ST3GAL4: variants seen among roughly 807,000 people sequenced by gnomAD.
ST3GAL4 encodes CMP-N-acetylneuraminate-beta-galactosamide-alpha-2,3-sialyltransferase 4.
ST3GAL4 carries 24 observed loss-of-function variants against 42.6 expected under a neutral mutation model. That is an observed-to-expected ratio of 0.56 (90% CI 0.41 to 0.79). The LOEUF (loss-of-function observed/expected upper bound fraction) is 0.79, where lower values mean the gene tolerates loss of function less well. Among genes scored for constraint, ST3GAL4 ranks in the 30% least tolerant of loss-of-function variants. The probability of loss-of-function intolerance (pLI) is 0.00; values close to 1 mark genes in which losing one functional copy is unlikely to be tolerated. For missense variants in ST3GAL4, 311 were observed against 430.8 expected, an observed-to-expected ratio of 0.72 and a Z score of 2.46; for synonymous variants, 135 against 163.2, an observed-to-expected ratio of 0.83 and a Z score of 1.32.
intron 1 of ST3GAL4, chr11:126,403,202 G>GC (rs1954086208): frequency 5.2e-6 from 1 of 193,208 alleles, no homozygotes; most frequent in Admixed American, 6.5e-5. Flanking sequence ...AGCCCAGCAA[G>GC]CCCCAAGACT....
chr11:126,391,113 A>G lies in ST3GAL4; in HGVS notation c.-60-14983A>G, dbSNP rs953769538. ...ATGGACGCTTGGGGGTTGCTTCCACATTAGCTATTGCAAAGTCAATAATGC... is the reference window on the plus strand; with the variant it reads ...ATGGACGCTTGGGGGTTGCTTCCACGTTAGCTATTGCAAAGTCAATAATGC... On this transcript the variant is annotated intron_variant, in intron 1 of 10. Transcript: ENST00000444328. The surrounding 1 kb of genome is among the most constrained non-coding windows in gnomAD (Gnocchi z 5.5). Among the ~76,000 whole-genome samples, 1 of 152,172 alleles carries G rather than the reference A, an allele frequency of 6.6e-6. No homozygotes were observed. Among genetic ancestry groups the G allele is most frequent in the African/African-American group, 2.4e-5 (1 of 41,446 alleles).
Position 126,386,288 on chromosome 11 carries a change from C to T in ST3GAL4, c.-60-19808C>T, listed in dbSNP as rs1307463417. On this transcript the variant is annotated intron_variant, in intron 1 of 10. Transcript: ENST00000444328. The surrounding 1 kb of genome is among the most constrained non-coding windows in gnomAD (Gnocchi z 4.7). ...TCCTGTTTGCCGTGTGTCTGTGCCC[C>T]CCAAGGATGAATGCCATGAGTCCAG... is the stretch of plus-strand genomic sequence containing the variant. 6.6e-6 allele frequency among the ~76,000 whole-genome samples: 1 copy of T among 152,092 alleles called. No individual in the cohort carries two copies. The highest frequency in any genetic ancestry group is 1.5e-5 in the Non-Finnish European group (1 of 68,022).
rs1680716523 is a variant in ST3GAL4 at position 126,414,040 on chromosome 11, C to G, written c.995C>G (p.Ser332Cys). 6.2e-7 allele frequency: 1 copy of G among 1,614,238 alleles called. No individual in the cohort carries two copies. The highest frequency in any genetic ancestry group is 8.5e-7 in the Non-Finnish European group (1 of 1,180,030). Residue 332 changes from serine (S) to cysteine (C), a missense_variant, in exon 11 of 11, where the codon TCC becomes TGC. Transcript: ENST00000444328. ...LEMGAIKNLT[S>C]F The stretch of plus-strand genomic sequence containing the variant: ...ATGGGAGCTATCAAGAACCTCACGT[C>G]CTTCTGACCTGGGCAAGAGCTGTAG...
chr11:126,392,026 A>C lies in ST3GAL4; in HGVS notation c.-60-14070A>C, dbSNP rs1218847756. On this transcript the variant is annotated intron_variant, in intron 1 of 10. Transcript: ENST00000444328. This position sits in a 1 kb window ranked among gnomAD's most constrained non-coding sequence, Gnocchi z 5.8. Reference sequence around the variant, plus strand: ...ATTTTCCTTAACACCACTGACCTGAAGGCAGTTACACGTAATTTACAAATG... The same window carrying C: ...ATTTTCCTTAACACCACTGACCTGACGGCAGTTACACGTAATTTACAAATG... 1.3e-5 allele frequency: 2 copies of C among 151,802 alleles called. No homozygotes were observed. The highest frequency in any genetic ancestry group is 2.9e-5 in the Non-Finnish European group (2 of 68,040). 9.4% of individuals were successfully genotyped at this position (151,802 alleles called of 1,614,324 possible). A position where few individuals can be genotyped will look rare whatever the true frequency, so the allele number is the denominator to read the frequency against.
At chr11:126,389,637 C>T (rs1287931555) in intron 1 of ST3GAL4, among the ~76,000 whole-genome samples, 5 of 152,150 alleles carry the variant, frequency 3.3e-5, no homozygotes, top group African/African-American at 4.8e-5. Flanking sequence ...GATCATAGCT[C>T]GCTGCAACCT....
rs751261652 is a variant in ST3GAL4, at chr11:126,363,476, G to T, written c.-61+7634G>T. ...GAGAGCCTTCATTGGGAGCCCATGG[G>T]AGCAGGAGTCAGCTCCTCCTGTTGG... On this transcript the variant is annotated intron_variant, in intron 1 of 10. Transcript: ENST00000444328. The surrounding 1 kb of genome is among the most constrained non-coding windows in gnomAD (Gnocchi z 4.6). Among the ~76,000 whole-genome samples the T allele has an allele frequency of 6.6e-6, 1 of 152,200 alleles. No individual in the cohort carries two copies. Among genetic ancestry groups the T allele is most frequent in the Non-Finnish European group, 1.5e-5 (1 of 68,038 alleles).
chr11:126,407,683 C>T (rs758352362), intron 6 of ST3GAL4, 49 bp downstream of exon 6: 57 of 1,587,480 alleles, frequency 3.6e-5, no homozygotes, highest in Non-Finnish European at 4.5e-5. Context: ...CTATTTCCTG[C>T]CCCCTGCCCG....
chr11:126,408,635 A>G lies in ST3GAL4; in HGVS notation c.627+139A>G. The G allele has an allele frequency of 6.7e-6, 7 of 1,045,924 alleles. No homozygotes were observed. In the Admixed American group the frequency reaches 1.5e-4, roughly 22 times the overall value. The allele number at this position is 1,045,924 out of a possible 1,614,324, so 64.8% of individuals were successfully genotyped here. A position where few individuals can be genotyped will look rare whatever the true frequency, so the allele number is the denominator to read the frequency against. ...AGCATGAACCGGGCTCCCGGAAGTC[A>G]GCGCCTTAGGCTGCCCTCCAAGGGT... On this transcript the variant is annotated intron_variant, in intron 8 of 10. Transcript: ENST00000444328.
chr11:126,407,191 C>T lies in ST3GAL4; in HGVS notation c.183-61C>T, dbSNP rs1326845560. 12 of 1,579,232 alleles carry T rather than the reference C, an allele frequency of 7.6e-6. No homozygotes were observed. In the African/African-American group the frequency reaches 1.1e-4, roughly 14 times the overall value. ...TATAATATTAGTCATGGGCCTAACC[C>T]TACTTCTGGCATCAAGATTAATTCT... On this transcript the variant is annotated intron_variant, in intron 4 of 10. Coordinates refer to ENST00000444328, the MANE Select transcript of ST3GAL4 (RefSeq NM_001254757.2).
intron 1 of ST3GAL4, among the ~76,000 whole-genome samples, chr11:126,361,869 G>A (rs1021026002): frequency 8.6e-5 from 13 of 151,712 alleles, no homozygotes; most frequent in African/African-American, 1.2e-4. Flanking sequence ...TTCCTTCTCC[G>A]AGAAATTAAC....
At chr11:126,403,511 T>C in intron 1 of ST3GAL4, 1 of 935,140 alleles carries the variant, frequency 1.1e-6, no homozygotes, top group Non-Finnish European at 1.3e-6. Flanking sequence ...TGTTTTACTA[T>C]TCCCTATTCA....
intron 1 of ST3GAL4, among the ~76,000 whole-genome samples, chr11:126,380,133 A>G (rs904794974): frequency 2.6e-5 from 4 of 151,914 alleles, no homozygotes; most frequent in African/African-American, 9.7e-5. Context: ...ATGGTGACAC[A>G]TGCCTGTAAT....
chr11:126,369,279 C>G (rs1952550363), intron 1 of ST3GAL4, among the ~76,000 whole-genome samples: 1 of 151,704 alleles, frequency 6.6e-6, no homozygotes, highest in South Asian at 2.1e-4. Flanking sequence ...CAGAGTTTTA[C>G]TCTTGTCGCC....
rs201983960 is a variant in ST3GAL4, at chr11:126,414,156, C to G, written c.*109C>G. On this transcript the variant is annotated 3_prime_UTR_variant, in exon 11 of 11. Coordinates refer to ENST00000444328, the MANE Select transcript of ST3GAL4 (RefSeq NM_001254757.2). ...AGTATGACCCACTTGGACTCACCCC[C>G]TCTTGGGGAGGGAGTTCTGGGCCTG... 2 of 1,080,130 alleles carry G rather than the reference C, an allele frequency of 1.9e-6. No homozygotes were observed. Among genetic ancestry groups the G allele is most frequent in the Admixed American group, 1.8e-5 (1 of 54,414 alleles). 66.9% of individuals were successfully genotyped at this position (1,080,130 alleles called of 1,614,324 possible).
At position 126,398,102 on chromosome 11, in the gene ST3GAL4, C is replaced by T. The variant is rs1356098495; in HGVS notation, c.-60-7994C>T. 2.0e-5 allele frequency among the ~76,000 whole-genome samples: 3 copies of T among 152,206 alleles called. No homozygotes were observed. The highest frequency in any genetic ancestry group is 4.4e-5 in the Non-Finnish European group (3 of 68,036). On this transcript the variant is annotated intron_variant, in intron 1 of 10. Coordinates refer to ENST00000444328, the MANE Select transcript of ST3GAL4 (RefSeq NM_001254757.2). The surrounding 1 kb of genome is among the most constrained non-coding windows in gnomAD (Gnocchi z 4.7). ...TTTGTTTCAGCACCACATTAAAAGTCCAAAGTCCACAGTCTCATCTAAGTC... is the reference window on the plus strand; with the variant it reads ...TTTGTTTCAGCACCACATTAAAAGTTCAAAGTCCACAGTCTCATCTAAGTC...
chr11:126,413,494 C>T lies in ST3GAL4; in HGVS notation c.772-11C>T. 6.2e-7 allele frequency: 1 copy of T among 1,613,704 alleles called. No homozygotes were observed. Among genetic ancestry groups the T allele is most frequent in the Non-Finnish European group, 8.5e-7 (1 of 1,179,926 alleles). On this transcript the variant is annotated splice_polypyrimidine_tract_variant and intron_variant, in intron 9 of 10. Transcript: ENST00000444328. Reference sequence around the variant, plus strand: ...GGCTCCCACTAACACCCTCCTGCCCCTGTTCCTCAGAAGCCCACCACGGGC... The same window carrying T: ...GGCTCCCACTAACACCCTCCTGCCCTTGTTCCTCAGAAGCCCACCACGGGC...
At chr11:126,388,370 T>C (rs1490563281) in intron 1 of ST3GAL4, among the ~76,000 whole-genome samples, 1 of 152,144 alleles carries the variant, frequency 6.6e-6, no homozygotes, top group East Asian at 1.9e-4. Context: ...TCGCTCTCTC[T>C]CCCAGGCTGG....
At position 126,408,300 on chromosome 11, in the gene ST3GAL4, C is replaced by T. The variant is rs1565426386; in HGVS notation, c.438-7C>T. 6.2e-7 allele frequency: 1 copy of T among 1,613,730 alleles called. No homozygotes were observed. The highest frequency in any genetic ancestry group is 8.5e-7 in the Non-Finnish European group (1 of 1,179,642). On this transcript the variant is annotated splice_region_variant and splice_polypyrimidine_tract_variant and intron_variant, in intron 7 of 10. Coordinates refer to ENST00000444328, the MANE Select transcript of ST3GAL4 (RefSeq NM_001254757.2). The stretch of plus-strand genomic sequence containing the variant: ...CTAGTGATGGGAATCCTCCTCCCAA[C>T]CCCCAGATTGAACAATGCCCCAGTG...
chr11:126,392,360 T>C lies in ST3GAL4; in HGVS notation c.-60-13736T>C. On this transcript the variant is annotated intron_variant, in intron 1 of 10. Coordinates refer to ENST00000444328, the MANE Select transcript of ST3GAL4 (RefSeq NM_001254757.2). This position sits in a 1 kb window ranked among gnomAD's most constrained non-coding sequence, Gnocchi z 5.8. ...GTGCAGCAGACATGGAGCTGGTAAGTGGTTAAGATCAGTCGGACATGACAA... is the reference window on the plus strand; with the variant it reads ...GTGCAGCAGACATGGAGCTGGTAAGCGGTTAAGATCAGTCGGACATGACAA... 1 of 985,822 alleles carries C rather than the reference T, an allele frequency of 1.0e-6. No homozygotes were observed. The highest frequency in any genetic ancestry group is 1.2e-6 in the Non-Finnish European group (1 of 829,930). 61.1% of individuals were successfully genotyped at this position (985,822 alleles called of 1,614,324 possible).
Sources: allele counts gnomAD v4.1 joint callset (sites outside exome capture counted in the v4.1 genomes callset), GRCh38; gene constraint gnomAD v4.1.1; non-coding constraint Gnocchi (gnomAD v3.1); transcripts MANE v1.5; gene names NCBI Gene and HGNC (gene_info 2026-07-23, HGNC 2026-07-21).